SEL1L3: variants seen among roughly 807,000 people sequenced by gnomAD.
SEL1L3 encodes the protein SEL1L family member 3, also known as protein sel-1 homolog 3.
In SEL1L3, 76 loss-of-function variants were observed where a neutral mutation model predicts 142.8. The ratio of observed to expected loss-of-function variants is 0.53; its 90% CI spans 0.44 to 0.64. The LOEUF is 0.64. Ranked by LOEUF, SEL1L3 falls within the 30% of genes least tolerant of loss-of-function variation. The pLI is 0.00. For synonymous variants in SEL1L3, 504 were observed against 519.6 expected, an observed-to-expected ratio of 0.97 and a Z score of 0.41; for missense variants, 1,262 against 1,381.7, an observed-to-expected ratio of 0.91 and a Z score of 1.37.
chr4:25,827,421 T>C (rs1715165337), intron 6 of SEL1L3, among the ~76,000 whole-genome samples: 1 of 152,192 alleles, frequency 6.6e-6, no homozygotes, highest in African/African-American at 2.4e-5. Context: ...GAAGTTATGC[T>C]GCCACGAGCC....
At chr4:25,846,605 ACT>A (rs1716526750) in intron 2 of SEL1L3, among the ~76,000 whole-genome samples, 1 of 151,832 alleles carries the variant, frequency 6.6e-6, no homozygotes, top group South Asian at 2.1e-4. Context: ...AGGATAAAAC[ACT>A]CTGCTTAAAA....
In SEL1L3 at chr4:25,816,655, C is replaced by T. The variant is rs77706436; in HGVS notation, c.1564+1483G>A. Among the ~76,000 whole-genome samples, 930 of 152,298 alleles carry T rather than the reference C, an allele frequency of 6.1e-3. 11 individuals are homozygous for T. The highest frequency in any genetic ancestry group is 0.022 in the African/African-American group (895 of 41,560). Reference sequence around the variant, plus strand: ...CAAAATCCCAGATCTCACTATGTCTCTTCTTCTTGCTTGAAACCCTTCAGC... The same window carrying T: ...CAAAATCCCAGATCTCACTATGTCTTTTCTTCTTGCTTGAAACCCTTCAGC... On this transcript the variant is annotated intron_variant, in intron 9 of 23. Transcript: ENST00000399878.
At chr4:25,792,340 T>C (rs1712399673) in intron 11 of SEL1L3, among the ~76,000 whole-genome samples, 1 of 152,240 alleles carries the variant, frequency 6.6e-6, no homozygotes, top group South Asian at 2.1e-4. Context: ...CCTTGCCAGG[T>C]TGGCTTGACT....
In SEL1L3 at chr4:25,784,281, C is replaced by T. The variant is rs958381182; in HGVS notation, c.2227G>A (p.Val743Ile). 8.1e-6 allele frequency: 13 copies of T among 1,613,454 alleles called. No individual in the cohort carries two copies. The highest frequency in any genetic ancestry group is 1.1e-5 in the Non-Finnish European group (13 of 1,179,464). Residue 743 changes from valine to isoleucine, a missense_variant, in exon 14 of 24, where the codon GTA becomes ATA. Coordinates refer to ENST00000399878, the MANE Select transcript of SEL1L3 (RefSeq NM_015187.5). ...YAIVLFKGQG[V>I]KKNRRLALEL... is the part of the protein sequence containing the mutation. ...AAGGCAAGCCGTCTGTTCTTTTTTA[C>T]TCCTTGACCCTAAACATTGATAAAC...
chr4:25,863,415 T>A (rs775622725), upstream of SEL1L3: 1 of 698,880 alleles, frequency 1.4e-6, no homozygotes. Flanking sequence ...CGCTTCCGCA[T>A]TCTTCCTCTC....
At chr4:25,723,186 T>C in the SEL1L3 span, among the ~76,000 whole-genome samples, 1 of 152,348 alleles carries the variant, frequency 6.6e-6, no homozygotes, top group South Asian at 2.1e-4. Flanking sequence ...TGAGGACTGA[T>C]AGTAAAAGGT....
chr4:25,760,865 C>T (rs926732877), intron 20 of SEL1L3, among the ~76,000 whole-genome samples: 4 of 152,118 alleles, frequency 2.6e-5, no homozygotes, highest in East Asian at 3.8e-4. Flanking sequence ...AACAACAAAT[C>T]GATATAGGTA....
Position 25,790,535 on chromosome 4 carries a change from G to A in SEL1L3, c.1996C>T (p.Leu666Phe). The A allele has an allele frequency of 2.5e-6, 4 of 1,611,452 alleles. No individual in the cohort carries two copies. Among genetic ancestry groups the A allele is most frequent in the East Asian group, 2.2e-5 (1 of 44,750 alleles). Residue 666 changes from leucine (L) to phenylalanine (F), a missense_variant, in exon 12 of 24, where the codon CTC becomes TTC. Coordinates refer to ENST00000399878, the MANE Select transcript of SEL1L3 (RefSeq NM_015187.5). ...ETIRLKDDEI[L>F]KVQTKEDGDV... ...CCATCTTCTTTGGTTTGTACCTTGA[G>A]TATTTCATCATCTTTTAGTCTAATT...
chr4:25,853,642 T>C (rs950463695), intron 1 of SEL1L3, among the ~76,000 whole-genome samples: 1 of 151,688 alleles, frequency 6.6e-6, no homozygotes, highest in African/African-American at 2.4e-5. Context: ...ACATTAATAT[T>C]CATTATGCCT....
chr4:25,746,461 A>G (rs1717262382), downstream of SEL1L3, among the ~76,000 whole-genome samples: 1 of 142,134 alleles, frequency 7.0e-6, no homozygotes, highest in Admixed American at 7.0e-5. Flanking sequence ...GTGAGCCGAG[A>G]TCGTGCCACT....
At position 25,818,237 on chromosome 4, in the gene SEL1L3, C is replaced by T. The variant is rs1370760673; in HGVS notation, c.1465G>A (p.Gly489Arg). 1 of 1,602,154 alleles carries T rather than the reference C, an allele frequency of 6.2e-7. No homozygotes were observed. Among genetic ancestry groups the T allele is most frequent in the Non-Finnish European group, 8.5e-7 (1 of 1,174,436 alleles). ...NSYLDLQRRY[G>R]RPSMCRAFPW... ...AAGGCTCTGCACATCGAGGGTCTCCCATACCTGCGCTGGAGGTCCAGGTAG... is the reference window on the plus strand; with the variant it reads ...AAGGCTCTGCACATCGAGGGTCTCCTATACCTGCGCTGGAGGTCCAGGTAG... Residue 489 changes from glycine to arginine, a missense_variant, in exon 9 of 24, where the codon GGG becomes AGG. Physicochemically the swap from Gly to Arg is moderately radical, Grantham distance 125. Around this residue, in one of 3 missense-constraint regions of SEL1L3, gnomAD observed 689 missense variants for 692.8 expected, o/e 0.99. Coordinates refer to ENST00000399878, the MANE Select transcript of SEL1L3 (RefSeq NM_015187.5).
intron 11 of SEL1L3, among the ~76,000 whole-genome samples, chr4:25,792,465 G>T (rs914820205): frequency 5.9e-5 from 9 of 152,200 alleles, no homozygotes; most frequent in African/African-American, 2.2e-4. Flanking sequence ...CAAGCTTATG[G>T]CCAGTGTGTA....
chr4:25,743,507 C>T (rs537597270), downstream of SEL1L3, among the ~76,000 whole-genome samples: 4 of 152,234 alleles, frequency 2.6e-5, no homozygotes, highest in Non-Finnish European at 5.9e-5. Context: ...GGTCAGGGCA[C>T]AGCTTGATTT....
At chr4:25,862,512 G>A (rs943698913) in intron 1 of SEL1L3, among the ~76,000 whole-genome samples, 163 bp downstream of exon 1, 2 of 152,198 alleles carry the variant, frequency 1.3e-5, no homozygotes, top group East Asian at 1.9e-4. Context: ...CACGCCCGGG[G>A]TACCTATCCC....
chr4:25,862,313 TG>T lies in SEL1L3; in HGVS notation c.162+361del, dbSNP rs1463420819. On this transcript the variant is annotated intron_variant, in intron 1 of 23. Coordinates refer to ENST00000399878, the MANE Select transcript of SEL1L3 (RefSeq NM_015187.5). ...GGGAAGCCCAGGAGGGGTGGGGGGT[TG>T]GGGGGTGCTGGAGACTGCGCGCGGC... 2.8e-3 allele frequency among the ~76,000 whole-genome samples: 68 copies of T among 24,128 alleles called. 1 individual carries two copies. The highest frequency in any genetic ancestry group is 0.012 in the African/African-American group (68 of 5,550). The allele number at this position is 24,128 out of a possible 152,430, so 15.8% of individuals were successfully genotyped here.
intron 9 of SEL1L3, among the ~76,000 whole-genome samples, chr4:25,813,891 A>G (rs1248808867): frequency 6.6e-6 from 1 of 152,178 alleles, no homozygotes; most frequent in Non-Finnish European, 1.5e-5. Flanking sequence ...CTGGCTGTTA[A>G]TGAAGCCAAA....
chr4:25,805,205 G>T (rs908090914), intron 9 of SEL1L3, among the ~76,000 whole-genome samples: 1 of 152,146 alleles, frequency 6.6e-6, no homozygotes, highest in Admixed American at 6.5e-5. Flanking sequence ...GACATCTTTT[G>T]TCCCCAGTTT....
the SEL1L3 span, among the ~76,000 whole-genome samples, chr4:25,739,202 C>T: frequency 6.6e-6 from 1 of 151,980 alleles, no homozygotes; most frequent in African/African-American, 2.4e-5. Context: ...GAGCGAGACT[C>T]TGTCTCAAAA....
intron 2 of SEL1L3, among the ~76,000 whole-genome samples, chr4:25,838,209 C>T (rs986746939): frequency 6.6e-6 from 1 of 152,202 alleles, no homozygotes; most frequent in Non-Finnish European, 1.5e-5. Flanking sequence ...AATCCTTTCC[C>T]CACATTCATT....
Sources: gnomAD v4.1 joint callset for allele counts (sites outside exome capture counted in the v4.1 genomes callset) on GRCh38, gnomAD v4.1.1 for gene constraint, gnomAD v4.1.1 regional missense constraint, MANE v1.5 for transcripts, NCBI Gene and HGNC (gene_info 2026-07-23, HGNC 2026-07-21) for gene names.